The following DSE variants were observed in gnomAD, a reference collection of about 807,000 sequenced individuals.
The protein encoded by DSE is dermatan sulfate epimerase, also known as dermatan-sulfate epimerase.
A neutral mutation model predicts 84.4 loss-of-function variants in DSE; 36 were observed. That is an observed-to-expected ratio of 0.43 (90% CI 0.33 to 0.56). The LOEUF is 0.56. DSE is among the 20% of genes least tolerant of loss of function. DSE has a pLI of 0.06. For synonymous variants in DSE, 410 were observed against 430.1 expected (o/e 0.95, Z 0.58); for missense variants, 862 against 1,169.6 (o/e 0.74, Z 3.84).
rs1297456400 is a variant in DSE, at chr6:116,433,566, C to T, written c.1118+16C>T. ...AATTTCTCTGGTATGACACATTGGG[C>T]TAGCTTTAAAGAGAAATGGTACCCA... On this transcript the variant is annotated intron_variant, in intron 5 of 5. Transcript: ENST00000644252. 2 of 1,585,990 alleles carry T rather than the reference C, an allele frequency of 1.3e-6. No homozygotes were observed. The highest frequency in any genetic ancestry group is 1.7e-6 in the Non-Finnish European group (2 of 1,164,476).
intron 2 of DSE, among the ~76,000 whole-genome samples, chr6:116,304,609 G>A (rs1240181322): frequency 6.6e-6 from 1 of 152,144 alleles, no homozygotes; most frequent in Non-Finnish European, 1.5e-5. Context: ...AGAGCTTTTG[G>A]GGTTTGGAAA....
intron 2 of DSE, among the ~76,000 whole-genome samples, chr6:116,323,377 T>G (rs1432518487): frequency 6.6e-6 from 1 of 152,212 alleles, no homozygotes; most frequent in Non-Finnish European, 1.5e-5. Context: ...ATAATTAATT[T>G]GGATTTCTAT....
At chr6:116,288,359 G>T (rs977448883) in intron 2 of DSE, 1 of 152,228 alleles carries the variant, frequency 6.6e-6, no homozygotes, top group Non-Finnish European at 1.5e-5. Flanking sequence ...AGACTATTGT[G>T]CAAGGTATAA....
chr6:116,259,954 A>G (rs1303627762), intron 2 of DSE, among the ~76,000 whole-genome samples: 1 of 152,162 alleles, frequency 6.6e-6, no homozygotes, highest in Non-Finnish European at 1.5e-5. Context: ...GAATATAGAC[A>G]TGCATGTGTC....
intron 2 of DSE, among the ~76,000 whole-genome samples, chr6:116,362,252 G>A (rs181713790): frequency 6.6e-6 from 1 of 152,308 alleles, no homozygotes; most frequent in East Asian, 1.9e-4. Flanking sequence ...AGGTACATAA[G>A]AATCACCTGC....
At chr6:116,393,101 C>T (rs1312841133) in intron 1 of DSE, among the ~76,000 whole-genome samples, 2 of 152,126 alleles carry the variant, frequency 1.3e-5, no homozygotes, top group Admixed American at 6.5e-5. Context: ...GCTGTTAGAT[C>T]GGCAGGCCTT....
chr6:116,337,175 A>G (rs1378532408), intron 2 of DSE, among the ~76,000 whole-genome samples: 1 of 152,198 alleles, frequency 6.6e-6, no homozygotes, highest in Non-Finnish European at 1.5e-5. Context: ...TAGAGCTCGT[A>G]TATAGAGCTG....
chr6:116,416,860 T>A (rs138013296), intron 2 of DSE, among the ~76,000 whole-genome samples: 66 of 152,322 alleles, frequency 4.3e-4, no homozygotes, highest in Admixed American at 4.2e-3. Flanking sequence ...GCTGAACTTT[T>A]TGAAACATAT....
intron 1 of DSE, among the ~76,000 whole-genome samples, chr6:116,388,546 C>A (rs1011964573): frequency 6.6e-6 from 1 of 152,124 alleles, no homozygotes; most frequent in Non-Finnish European, 1.5e-5. Context: ...ATTGGTGATA[C>A]AGAATTAAAG....
intron 2 of DSE, among the ~76,000 whole-genome samples, chr6:116,347,284 G>A (rs1778034761): frequency 6.6e-6 from 1 of 152,006 alleles, no homozygotes; most frequent in African/African-American, 2.4e-5. Flanking sequence ...AAGTTCATAT[G>A]GAACCAAAAA....
intron 1 of DSE, among the ~76,000 whole-genome samples, chr6:116,396,513 T>G (rs981823099): frequency 1.3e-5 from 2 of 152,174 alleles, no homozygotes; most frequent in Admixed American, 1.3e-4. Context: ...CTGACGGAAA[T>G]TAATATTTTA....
At chr6:116,258,437 T>A (rs1479985737) in intron 1 of DSE, 1 of 784,544 alleles carries the variant, frequency 1.3e-6, no homozygotes, top group Non-Finnish European at 2.3e-6. Flanking sequence ...TTTTTGCTTT[T>A]TTTGGTAGGG....
chr6:116,329,674 A>T (rs1170461045), intron 2 of DSE, among the ~76,000 whole-genome samples: 1 of 152,220 alleles, frequency 6.6e-6, no homozygotes, highest in African/African-American at 2.4e-5. Flanking sequence ...AGTGATGTCA[A>T]CACATCTGAC....
chr6:116,293,021 TG>T (rs1774389031), intron 2 of DSE, among the ~76,000 whole-genome samples: 1 of 152,104 alleles, frequency 6.6e-6, no homozygotes, highest in African/African-American at 2.4e-5. Context: ...TAAAGAGAGG[TG>T]GTGACATTAG....
rs527777222 is a variant in DSE at position 116,341,701 on chromosome 6, T to C, written c.-53-57497T>C. ...GTAAGGAAGGCATCCAGTTTCAGCT[T>C]TCTACATTTGGCTAGCCAGTTTTCC... On this transcript the variant is annotated intron_variant, in intron 2 of 3. Transcript: ENST00000430252. Among the ~76,000 whole-genome samples, 2 of 152,370 alleles carry C rather than the reference T, an allele frequency of 1.3e-5. 1 individual carries two copies. The highest frequency in any genetic ancestry group is 3.9e-4 in the East Asian group (2 of 5,194).
At chr6:116,339,719 T>C (rs566848391) in intron 2 of DSE, among the ~76,000 whole-genome samples, 31 of 152,302 alleles carry the variant, frequency 2.0e-4, no homozygotes, top group African/African-American at 7.0e-4. Flanking sequence ...ATTGAGTTTA[T>C]AGTTGAGGAA....
chr6:116,290,995 G>T (rs1046688772), intron 2 of DSE, among the ~76,000 whole-genome samples: 1 of 152,128 alleles, frequency 6.6e-6, no homozygotes, highest in African/African-American at 2.4e-5. Context: ...CAGAAGATTG[G>T]AGGCGTAGAC....
intron 2 of DSE, among the ~76,000 whole-genome samples, chr6:116,357,521 G>A (rs1216626871): frequency 7.2e-6 from 1 of 139,520 alleles, no homozygotes; most frequent in African/African-American, 2.9e-5. Flanking sequence ...GACAGAGCGA[G>A]ACTCCATCTC....
chr6:116,365,150 C>G (rs1779092499), intron 2 of DSE, among the ~76,000 whole-genome samples: 1 of 151,410 alleles, frequency 6.6e-6, no homozygotes, highest in African/African-American at 2.4e-5. Context: ...TTTAGTAACA[C>G]TCTATAAAAC....
Sources: allele counts gnomAD v4.1 joint callset (sites outside exome capture counted in the v4.1 genomes callset), GRCh38; gene constraint gnomAD v4.1.1; transcripts MANE v1.5; gene names NCBI Gene and HGNC (gene_info 2026-07-23, HGNC 2026-07-21).